The following CCSER1 variants were observed in gnomAD, a reference collection of about 807,000 sequenced individuals.
CCSER1 encodes the protein serine-rich coiled-coil domain-containing protein 1.
CCSER1 carries 41 observed loss-of-function variants against 82.0 expected under a neutral mutation model. That is an observed-to-expected ratio of 0.50 (90% CI 0.39 to 0.65). The LOEUF is 0.65. Ranked by LOEUF, CCSER1 falls within the 30% of genes least tolerant of loss-of-function variation. The probability of loss-of-function intolerance (pLI) is 0.00; values close to 1 mark genes in which losing one functional copy is unlikely to be tolerated. For missense variants in CCSER1, 1,119 were observed against 1,064.2 expected, an observed-to-expected ratio of 1.05 and a Z score of -0.72; for synonymous variants, 414 against 383.9, an observed-to-expected ratio of 1.08 and a Z score of -0.92.
intron 7 of CCSER1, among the ~76,000 whole-genome samples, chr4:90,748,058 T>C (rs1426656954): frequency 6.8e-6 from 1 of 147,852 alleles, no homozygotes; most frequent in Non-Finnish European, 1.5e-5. Context: ...TATTATACTT[T>C]AAGTTTTAGG....
chr4:90,184,624 C>T lies in CCSER1; in HGVS notation c.-42+56793C>T, dbSNP rs1049198795. Among the ~76,000 whole-genome samples, 6 of 152,060 alleles carry T rather than the reference C, an allele frequency of 3.9e-5. No individual in the cohort carries two copies. The South Asian group carries it at 1.2e-3, about 32-fold the overall frequency. On this transcript the variant is annotated intron_variant, in intron 1 of 10. Transcript: ENST00000509176. ...ATTTTAAACATACAACTCAAATTAA[C>T]TGCTAGAAAAGTGAAAACTTGGTGC...
At chr4:90,229,537 C>A (rs867069375) in intron 1 of CCSER1, among the ~76,000 whole-genome samples, 2 of 151,978 alleles carry the variant, frequency 1.3e-5, no homozygotes, top group South Asian at 2.1e-4. Flanking sequence ...TAAAGACCAT[C>A]GAGACTAGGA....
chr4:90,916,178 T>C (rs1331249141), intron 8 of CCSER1, among the ~76,000 whole-genome samples: 3 of 152,068 alleles, frequency 2.0e-5, no homozygotes, highest in African/African-American at 7.2e-5. Flanking sequence ...AAAGTTCATA[T>C]GGAACCAAAA....
rs1365855199 is a variant in CCSER1, at chr4:90,391,481, TATATAC to T, written c.1510-8553_1510-8548del. Among the ~76,000 whole-genome samples the T allele has an allele frequency of 5.5e-3, 481 of 87,412 alleles. 2 individuals carry two copies. The highest frequency in any genetic ancestry group is 0.017 in the African/African-American group (220 of 13,188). 57.3% of individuals were successfully genotyped at this position (87,412 alleles called of 152,430 possible). A position where few individuals can be genotyped will look rare whatever the true frequency, so the allele number is the denominator to read the frequency against. ...ATATATATATATATATATATATATA[TATATAC>T]ACACACACAGTGGGTAAATATATAT... On this transcript the variant is annotated intron_variant, in intron 3 of 10. Coordinates refer to ENST00000509176, the MANE Select transcript of CCSER1 (RefSeq NM_001145065.2).
intron 6 of CCSER1, among the ~76,000 whole-genome samples, chr4:90,695,745 A>C (rs1431604756): frequency 6.6e-6 from 1 of 152,088 alleles, no homozygotes; most frequent in Non-Finnish European, 1.5e-5. Flanking sequence ...GATATTATTA[A>C]GCCAAATATT....
chr4:90,492,438 A>G (rs1481202769), intron 5 of CCSER1, among the ~76,000 whole-genome samples: 1 of 152,106 alleles, frequency 6.6e-6, no homozygotes, highest in Non-Finnish European at 1.5e-5. Context: ...CTAGGAGACT[A>G]TCAATTTTGT....
At chr4:90,924,202 CT>C (rs1728766384) in intron 9 of CCSER1, among the ~76,000 whole-genome samples, 1 of 151,934 alleles carries the variant, frequency 6.6e-6, no homozygotes, top group Non-Finnish European at 1.5e-5. Context: ...AACATTTATT[CT>C]TATTTTTAGC....
chr4:90,398,128 C>A (rs1375092234), intron 3 of CCSER1, among the ~76,000 whole-genome samples: 1 of 152,150 alleles, frequency 6.6e-6, no homozygotes, highest in Non-Finnish European at 1.5e-5. Flanking sequence ...TCTGTGAATT[C>A]ACATGGTTCA....
At chr4:91,218,133 C>T (rs111767853) in intron 10 of CCSER1, among the ~76,000 whole-genome samples, 8,815 of 152,266 alleles carry the variant, frequency 0.058, 501 homozygotes, top group African/African-American at 0.15. Flanking sequence ...GCAGCTAAGG[C>T]CCAGCGAGAA....
chr4:90,833,421 T>C (rs1761387367), intron 8 of CCSER1, among the ~76,000 whole-genome samples: 2 of 152,192 alleles, frequency 1.3e-5, no homozygotes, highest in Non-Finnish European at 2.9e-5. Flanking sequence ...GCAGGGCTAC[T>C]TCCCTTTCTC....
intron 7 of CCSER1, among the ~76,000 whole-genome samples, chr4:90,775,286 A>T (rs1336906293): frequency 6.6e-6 from 1 of 152,170 alleles, no homozygotes; most frequent in Non-Finnish European, 1.5e-5. Flanking sequence ...GTATAATAAT[A>T]ATTATTCTTT....
chr4:90,938,044 C>G (rs2150318759), intron 9 of CCSER1, among the ~76,000 whole-genome samples: 1 of 152,166 alleles, frequency 6.6e-6, no homozygotes, highest in East Asian at 1.9e-4. Context: ...ATGCTTCTTG[C>G]AAATTATACT....
chr4:90,954,379 G>T (rs1733218934), intron 9 of CCSER1, among the ~76,000 whole-genome samples: 1 of 148,080 alleles, frequency 6.8e-6, no homozygotes, highest in African/African-American at 2.5e-5. Context: ...TTGCCAATTA[G>T]TTAGCCAATT....
rs191888277 is a variant in CCSER1 at position 91,405,352 on chromosome 4, A to T, written c.2218-193220A>T. On this transcript the variant is annotated intron_variant, in intron 10 of 10. Coordinates refer to ENST00000509176, the MANE Select transcript of CCSER1 (RefSeq NM_001145065.2). ...TAAATGTTAGACCTAAAACCATAAA[A>T]ACCCTAGAAGAAAACCTAGGCAATA... 3.0e-3 allele frequency among the ~76,000 whole-genome samples: 454 copies of T among 152,294 alleles called. 1 individual carries two copies. The highest frequency in any genetic ancestry group is 0.01 in the African/African-American group (427 of 41,558).
intron 1 of CCSER1, among the ~76,000 whole-genome samples, chr4:90,283,571 T>C (rs893920186): frequency 5.3e-5 from 8 of 152,110 alleles, no homozygotes; most frequent in Admixed American, 3.9e-4. Flanking sequence ...TGTTTTTAAC[T>C]GTAGTCACCT....
At position 91,078,363 on chromosome 4, in the gene CCSER1, C is replaced by T. The variant is rs1581493416; in HGVS notation, c.2173-7587C>T. 3.3e-5 allele frequency among the ~76,000 whole-genome samples: 5 copies of T among 152,186 alleles called. No homozygotes were observed. The South Asian group carries it at 1.0e-3, about 32-fold the overall frequency. On this transcript the variant is annotated intron_variant, in intron 9 of 10. Transcript: ENST00000509176. ...CTCCAACAGACCTGCAGCTGAAGGT[C>T]CTGACTGTTAGAAGGAAAAGTAACA... is the stretch of plus-strand genomic sequence containing the variant.
intron 6 of CCSER1, among the ~76,000 whole-genome samples, chr4:90,684,987 C>T (rs1046739856): frequency 4.6e-5 from 7 of 152,046 alleles, no homozygotes; most frequent in Admixed American, 1.3e-4. Context: ...TACCCAGTCT[C>T]GGGTATGTCT....
intron 1 of CCSER1, among the ~76,000 whole-genome samples, chr4:90,284,694 A>G (rs1009592780): frequency 1.3e-5 from 2 of 151,704 alleles, no homozygotes; most frequent in East Asian, 2.0e-4. Flanking sequence ...GGGTTTTTCC[A>G]TGTTGCCAGG....
intron 10 of CCSER1, among the ~76,000 whole-genome samples, chr4:91,357,707 G>A (rs1342471864): frequency 5.3e-5 from 8 of 151,030 alleles, no homozygotes; most frequent in Admixed American, 5.3e-4. Flanking sequence ...AACATTTTTT[G>A]CATACAATTT....
Sources: allele counts gnomAD v4.1 joint callset (sites outside exome capture counted in the v4.1 genomes callset), GRCh38; gene constraint gnomAD v4.1.1; transcripts MANE v1.5; gene names NCBI Gene and HGNC (gene_info 2026-07-23, HGNC 2026-07-21).